PCDH9: variants seen among roughly 807,000 people sequenced by gnomAD.
The protein encoded by PCDH9 is protocadherin 9.
Under a neutral mutation model 70.6 loss-of-function variants are expected in PCDH9, and 24 were observed. The ratio of observed to expected loss-of-function variants is 0.34; its 90% CI spans 0.25 to 0.48. The LOEUF (loss-of-function observed/expected upper bound fraction) is 0.48, where lower values mean the gene tolerates loss of function less well. Among genes scored for constraint, PCDH9 ranks in the 20% least tolerant of loss-of-function variants. The pLI is 0.99. For synonymous variants in PCDH9, 562 were observed against 558.5 expected (o/e 1.01, Z -0.09); for missense variants, 1,281 against 1,503.6 (o/e 0.85, Z 2.45).
chr13:66,971,316 C>G (rs1031825987), intron 2 of PCDH9, among the ~76,000 whole-genome samples: 1 of 152,018 alleles, frequency 6.6e-6, no homozygotes, highest in East Asian at 1.9e-4. Context: ...ATTATGCAAA[C>G]AGCAGTCCAT....
At chr13:67,128,844 A>T (rs1268792629) in intron 2 of PCDH9, among the ~76,000 whole-genome samples, 1 of 152,230 alleles carries the variant, frequency 6.6e-6, no homozygotes, top group East Asian at 1.9e-4. Context: ...ATCCTATTCA[A>T]AGAATTTTCA....
intron 4 of PCDH9, among the ~76,000 whole-genome samples, chr13:66,568,651 G>T (rs2076687640): frequency 6.6e-6 from 1 of 150,994 alleles, no homozygotes; most frequent in African/African-American, 2.4e-5. Context: ...CAGCCTGAAT[G>T]ACAGGGGAAA....
At chr13:66,570,100 A>G (rs1405448428) in intron 4 of PCDH9, among the ~76,000 whole-genome samples, 33 of 152,158 alleles carry the variant, frequency 2.2e-4, no homozygotes, top group Admixed American at 2.2e-3. Flanking sequence ...CTATTGATAC[A>G]TTCAACCACT....
At chr13:66,626,778 C>A (rs1047159411) in intron 4 of PCDH9, among the ~76,000 whole-genome samples, 2 of 152,064 alleles carry the variant, frequency 1.3e-5, no homozygotes, top group Admixed American at 1.3e-4. Flanking sequence ...TCAATTATTG[C>A]TTAATTTGCA....
At chr13:66,848,283 C>T (rs1447997561) in intron 3 of PCDH9, among the ~76,000 whole-genome samples, 1 of 152,152 alleles carries the variant, frequency 6.6e-6, no homozygotes, top group East Asian at 1.9e-4. Context: ...AACTAACATA[C>T]TTTTTAAACT....
intron 3 of PCDH9, among the ~76,000 whole-genome samples, chr13:66,804,565 A>G (rs558054884): frequency 6.6e-6 from 1 of 152,290 alleles, no homozygotes; most frequent in South Asian, 2.1e-4. Context: ...CAAACAAATT[A>G]ATAGGTAAAA....
intron 4 of PCDH9, among the ~76,000 whole-genome samples, chr13:66,449,746 T>C (rs1217178994): frequency 6.6e-6 from 1 of 152,194 alleles, no homozygotes; most frequent in African/African-American, 2.4e-5. Context: ...TAAATTTTTA[T>C]TAAACTTTTA....
At chr13:66,602,067 T>C (rs2077171709) in intron 4 of PCDH9, among the ~76,000 whole-genome samples, 1 of 146,402 alleles carries the variant, frequency 6.8e-6, no homozygotes. Context: ...TAAGGCTCTT[T>C]TAGGTAAGTC....
intron 3 of PCDH9, among the ~76,000 whole-genome samples, chr13:66,778,113 C>A (rs2079928998): frequency 8.1e-6 from 1 of 123,284 alleles, no homozygotes; most frequent in African/African-American, 3.2e-5. Flanking sequence ...AGGGGAACAC[C>A]ACACTCTGGG....
chr13:67,071,615 G>A (rs147510495), intron 2 of PCDH9, among the ~76,000 whole-genome samples: 1 of 152,018 alleles, frequency 6.6e-6, no homozygotes, highest in African/African-American at 2.4e-5. Flanking sequence ...GCTTTAGGCT[G>A]GGCAGTGACT....
intron 2 of PCDH9, among the ~76,000 whole-genome samples, chr13:67,200,598 T>A (rs773318494): frequency 7.9e-5 from 12 of 152,136 alleles, no homozygotes; most frequent in Non-Finnish European, 1.8e-4. Flanking sequence ...AAACTTTTAC[T>A]ATTAAATGTC....
chr13:66,344,056 A>T (rs1041733269), intron 4 of PCDH9, among the ~76,000 whole-genome samples: 11 of 152,218 alleles, frequency 7.2e-5, no homozygotes, highest in African/African-American at 2.7e-4. Flanking sequence ...AATGTAAGTA[A>T]AAAATCTGAT....
In PCDH9 at chr13:66,602,031, T is replaced by TA. The variant is rs767026569; in HGVS notation, c.3340+29178dup. Among the ~76,000 whole-genome samples, 12 of 145,664 alleles carry TA rather than the reference T, an allele frequency of 8.2e-5. 1 individual carries two copies. The highest frequency in any genetic ancestry group is 1.2e-4 in the African/African-American group (5 of 40,488). ...TATTAAAAAAAAAGTTACTTTTACT[T>TA]AAAAAAAATGCCTGGAGGGCCTAGC... On this transcript the variant is annotated intron_variant, in intron 4 of 4. Transcript: ENST00000377865.
chr13:66,995,398 C>G (rs2084092830), intron 2 of PCDH9, among the ~76,000 whole-genome samples: 1 of 152,070 alleles, frequency 6.6e-6, no homozygotes, highest in African/African-American at 2.4e-5. Context: ...AGCACGGTCC[C>G]CAAATGGTAA....
At chr13:67,215,845 G>A (rs1308387672) in intron 2 of PCDH9, 1 of 152,116 alleles carries the variant, frequency 6.6e-6, no homozygotes. Context: ...TTTCAGCACT[G>A]TTGTGGGTTC....
At chr13:67,079,577 T>C (rs1245354309) in intron 2 of PCDH9, among the ~76,000 whole-genome samples, 2 of 152,174 alleles carry the variant, frequency 1.3e-5, no homozygotes, top group African/African-American at 2.4e-5. Context: ...TACCAAAATA[T>C]ATTTCTTTAA....
chr13:66,919,205 A>T (rs1436417833), intron 2 of PCDH9, among the ~76,000 whole-genome samples: 1 of 151,192 alleles, frequency 6.6e-6, no homozygotes, highest in Non-Finnish European at 1.5e-5. Context: ...CTAAGTGATG[A>T]CATCCAAAGT....
At chr13:66,863,535 G>A (rs980912253) in intron 3 of PCDH9, among the ~76,000 whole-genome samples, 2 of 152,038 alleles carry the variant, frequency 1.3e-5, no homozygotes. Flanking sequence ...CGCCCACCTG[G>A]AGTGCAGTGG....
intron 3 of PCDH9, among the ~76,000 whole-genome samples, chr13:66,864,231 G>T (rs149800215): frequency 1.3e-5 from 2 of 152,188 alleles, no homozygotes; most frequent in Admixed American, 6.5e-5. Context: ...AGGATTATGA[G>T]AAGTCATAGT....
Sources: allele counts gnomAD v4.1 joint callset (sites outside exome capture counted in the v4.1 genomes callset), GRCh38; gene constraint gnomAD v4.1.1; transcripts MANE v1.5; gene names NCBI Gene and HGNC (gene_info 2026-07-23, HGNC 2026-07-21).